ABRAXAS2: variants seen among roughly 807,000 people sequenced by gnomAD.
ABRAXAS2 encodes BRISC complex subunit Abraxas 2.
ABRAXAS2 carries 23 observed loss-of-function variants against 49.0 expected under a neutral mutation model. That is an observed-to-expected ratio of 0.47 (90% CI 0.34 to 0.66). The LOEUF is 0.66. Among genes scored for constraint, ABRAXAS2 ranks in the 30% least tolerant of loss-of-function variants. ABRAXAS2 has a pLI of 0.01. For synonymous variants in ABRAXAS2, 168 were observed against 180.2 expected, an observed-to-expected ratio of 0.93 and a Z score of 0.54; for missense variants, 443 against 511.9, an observed-to-expected ratio of 0.87 and a Z score of 1.30.
At chr10:124,810,359 C>G (rs943342427) in intron 2 of ABRAXAS2, among the ~76,000 whole-genome samples, 2 of 152,128 alleles carry the variant, frequency 1.3e-5, no homozygotes, top group Admixed American at 1.3e-4. Context: ...GACCCTGTCT[C>G]TACAAGAAAT....
At position 124,819,377 on chromosome 10, in the gene ABRAXAS2, T is replaced by TAA; in HGVS notation, c.201-5_201-4dup. ...GTGTTAGTACAAGATTTTTTTCTCT[T>TAA]AAACAGTTTTTATGACTACGCAAGC... On this transcript the variant is annotated splice_region_variant and splice_polypyrimidine_tract_variant and intron_variant, in intron 3 of 8. Coordinates refer to ENST00000298492, the MANE Select transcript of ABRAXAS2 (RefSeq NM_032182.4). The TAA allele has an allele frequency of 6.2e-7, 1 of 1,613,590 alleles. No homozygotes were observed. Among genetic ancestry groups the TAA allele is most frequent in the South Asian group, 1.1e-5 (1 of 91,080 alleles).
chr10:124,802,875 A>T (rs1262080842), intron 1 of ABRAXAS2, among the ~76,000 whole-genome samples: 9 of 152,232 alleles, frequency 5.9e-5, no homozygotes, highest in Non-Finnish European at 1.2e-4. Flanking sequence ...AGCTTCCATT[A>T]ATAAAAACTG....
Position 124,828,878 on chromosome 10 carries a change from A to G in ABRAXAS2, c.578+3A>G. On this transcript the variant is annotated splice_donor_region_variant and intron_variant, in intron 6 of 8. Transcript: ENST00000298492. ...GCCAAAGTGATTAAAGAACATGGGT[A>G]AGTTGAAAGGTAAAGTGCTAGTTTT... 3 of 1,613,028 alleles carry G rather than the reference A, an allele frequency of 1.9e-6. No individual in the cohort carries two copies. The highest frequency in any genetic ancestry group is 2.5e-6 in the Non-Finnish European group (3 of 1,179,516).
chr10:124,803,726 AC>A (rs1244245560), intron 1 of ABRAXAS2, among the ~76,000 whole-genome samples: 1 of 152,080 alleles, frequency 6.6e-6, no homozygotes, highest in Non-Finnish European at 1.5e-5. Context: ...ACAAGGAGAA[AC>A]CCCGTCTCTA....
chr10:124,836,274 A>G lies in ABRAXAS2; in HGVS notation c.*1303A>G, dbSNP rs968086188. On this transcript the variant is annotated 3_prime_UTR_variant, in exon 9 of 9. Coordinates refer to ENST00000298492, the MANE Select transcript of ABRAXAS2 (RefSeq NM_032182.4). ...AAAAAGTAGTTTCAGTTTATAGGAT[A>G]CACATTTACTCACTGAGCTCCAGTT... 1 of 152,310 alleles carries G rather than the reference A, an allele frequency of 6.6e-6. No individual in the cohort carries two copies. The highest frequency in any genetic ancestry group is 1.5e-5 in the Non-Finnish European group (1 of 68,038). The allele number at this position is 152,310 out of a possible 1,614,324, so 9.4% of individuals were successfully genotyped here.
In ABRAXAS2 at chr10:124,828,773, C is replaced by T. The variant is rs765798647; in HGVS notation, c.476C>T (p.Ser159Leu). The T allele has an allele frequency of 6.2e-7, 1 of 1,613,072 alleles. No homozygotes were observed. The highest frequency in any genetic ancestry group is 1.1e-5 in the South Asian group (1 of 91,040). The change falls in exon 6 of 9, where the codon TCA (serine) becomes TTA (leucine). Residue 159 changes from serine (S) to leucine (L), a missense_variant. Physicochemically the swap from Ser to Leu is moderately radical, Grantham distance 145 (BLOSUM62 -2). Transcript: ENST00000298492. ...TCCCATAGGTATAATCAGAGGATAT[C>T]ACTCGCTATTCCCAATCTAGGAAAT... ...RPNRRYNQRI[S>L]LAIPNLGNTS...
At chr10:124,827,319 T>C (rs1366944824) in intron 5 of ABRAXAS2, among the ~76,000 whole-genome samples, 1 of 151,698 alleles carries the variant, frequency 6.6e-6, no homozygotes, top group Non-Finnish European at 1.5e-5. Flanking sequence ...ACCACCATGC[T>C]GGCTAATTTT....
At chr10:124,831,807 C>CCTGG (rs1240032125) in intron 8 of ABRAXAS2, among the ~76,000 whole-genome samples, 1 of 149,548 alleles carries the variant, frequency 6.7e-6, no homozygotes, top group East Asian at 2.0e-4. Flanking sequence ...AGTTAACCAC[C>CCTGG]CTGGCATGTC....
chr10:124,833,363 G>T (rs531258805), intron 8 of ABRAXAS2, among the ~76,000 whole-genome samples: 2 of 151,878 alleles, frequency 1.3e-5, no homozygotes, highest in African/African-American at 2.4e-5. Context: ...TTCTTGGGAG[G>T]CTGAGGTGGG....
intron 4 of ABRAXAS2, among the ~76,000 whole-genome samples, chr10:124,825,994 C>T (rs1446370260): frequency 6.6e-6 from 1 of 152,212 alleles, no homozygotes; most frequent in East Asian, 1.9e-4. Context: ...GAGAAGTATT[C>T]TTCCAGAGTG....
At chr10:124,828,923 T>G in intron 6 of ABRAXAS2, 48 bp downstream of exon 6, 1 of 1,591,362 alleles carries the variant, frequency 6.3e-7, no homozygotes, top group Admixed American at 1.8e-5. Flanking sequence ...CAGCAATATT[T>G]CTTTTGTTAA....
At chr10:124,828,939 T>A in intron 6 of ABRAXAS2, 64 bp downstream of exon 6, 1 of 1,546,740 alleles carries the variant, frequency 6.5e-7, no homozygotes, top group South Asian at 1.2e-5. Flanking sequence ...GTTAATAACA[T>A]TTAAAAGGTG....
At chr10:124,813,377 A>C (rs948476202) in intron 2 of ABRAXAS2, among the ~76,000 whole-genome samples, 4 of 152,220 alleles carry the variant, frequency 2.6e-5, no homozygotes, top group Non-Finnish European at 5.9e-5. Flanking sequence ...GAGGTGATGC[A>C]GTAACAAGTA....
At chr10:124,815,409 T>A (rs1950817751) in intron 2 of ABRAXAS2, among the ~76,000 whole-genome samples, 1 of 152,016 alleles carries the variant, frequency 6.6e-6, no homozygotes, top group African/African-American at 2.4e-5. Context: ...TTAGCCAGGA[T>A]GGTCTCGATC....
At chr10:124,819,556 A>T in intron 4 of ABRAXAS2, 106 bp downstream of exon 4, 1 of 1,091,834 alleles carries the variant, frequency 9.2e-7, no homozygotes, top group Non-Finnish European at 1.4e-6. Flanking sequence ...TCATGTTAAT[A>T]TGTAAAAGTT....
chr10:124,834,693 C>G lies in ABRAXAS2; in HGVS notation c.970C>G (p.Arg324Gly), dbSNP rs752407314. The change falls in exon 9 of 9, where the codon CGC (arginine) becomes GGC (glycine). Residue 324 changes from arginine to glycine, a missense_variant. Around this residue, in one of 3 missense-constraint regions of ABRAXAS2, gnomAD observed 230 missense variants for 237.0 expected, o/e 0.97. Coordinates refer to ENST00000298492, the MANE Select transcript of ABRAXAS2 (RefSeq NM_032182.4). The part of the protein sequence containing the change: ...NNQESTLSHS[R>G]MERSVFMPRP... ...TCAAGAAAGTACTTTGAGCCACTCT[C>G]GCATGGAAAGGAGTGTCTTTATGCC... 1 of 1,613,994 alleles carries G rather than the reference C, an allele frequency of 6.2e-7. No homozygotes were observed. The highest frequency in any genetic ancestry group is 8.5e-7 in the Non-Finnish European group (1 of 1,180,032).
intron 3 of ABRAXAS2, among the ~76,000 whole-genome samples, chr10:124,818,472 A>G (rs1950839618): frequency 6.6e-6 from 1 of 152,142 alleles, no homozygotes; most frequent in Non-Finnish European, 1.5e-5. Context: ...TGTCTATTCC[A>G]AACTCCTTAT....
chr10:124,829,804 A>C (rs922155851), intron 7 of ABRAXAS2, among the ~76,000 whole-genome samples: 6 of 152,218 alleles, frequency 3.9e-5, no homozygotes, highest in Non-Finnish European at 7.3e-5. Context: ...CTAAGTAGAG[A>C]CAATATCAAA....
At position 124,826,751 on chromosome 10, in the gene ABRAXAS2, G is replaced by T; in HGVS notation, c.424G>T (p.Ala142Ser). The T allele has an allele frequency of 6.2e-7, 1 of 1,614,108 alleles. No individual in the cohort carries two copies. Among genetic ancestry groups the T allele is most frequent in the East Asian group, 2.2e-5 (1 of 44,880 alleles). Residue 142 changes from alanine (A) to serine (S), a missense_variant, in exon 5 of 9, where the codon GCT becomes TCT. Physicochemically the swap from Ala to Ser is moderately conservative, Grantham distance 99 (BLOSUM62 1). This residue lies in a region of ABRAXAS2 where 166 missense variants were observed against 247.3 expected (regional missense o/e 0.67). Transcript: ENST00000298492. ...FISTANNSTH[A>S]LEYVLFRPNR... ...CTCCACTGCCAACAATTCCACTCAC[G>T]CTTTAGAATATGTGCTCTTCAGACC...
Sources: gnomAD v4.1 joint callset for allele counts (sites outside exome capture counted in the v4.1 genomes callset) on GRCh38, gnomAD v4.1.1 for gene constraint, gnomAD v4.1.1 regional missense constraint, MANE v1.5 for transcripts, NCBI Gene and HGNC (gene_info 2026-07-23, HGNC 2026-07-21) for gene names.